SPATS2L: variants seen among roughly 807,000 people sequenced by gnomAD.
SPATS2L encodes the protein spermatogenesis associated serine rich 2 like.
Under a neutral mutation model 59.6 loss-of-function variants are expected in SPATS2L, and 30 were observed. The observed-to-expected ratio is 0.50, with a 90% confidence interval of 0.38 to 0.68. The LOEUF (loss-of-function observed/expected upper bound fraction) is 0.68. SPATS2L is among the 30% of genes least tolerant of loss of function. The pLI is 0.00. For missense variants in SPATS2L, 615 were observed against 700.0 expected, an observed-to-expected ratio of 0.88 and a Z score of 1.37; for synonymous variants, 252 against 263.5, an observed-to-expected ratio of 0.96 and a Z score of 0.42.
At chr2:200,408,988 C>A (rs1349740805) in intron 3 of SPATS2L, among the ~76,000 whole-genome samples, 1 of 152,246 alleles carries the variant, frequency 6.6e-6, no homozygotes, top group Non-Finnish European at 1.5e-5. Flanking sequence ...CGCTAACTAG[C>A]CATCTTGACT....
At chr2:200,474,787 T>C (rs1239692724) in intron 12 of SPATS2L, among the ~76,000 whole-genome samples, 1 of 152,158 alleles carries the variant, frequency 6.6e-6, no homozygotes, top group East Asian at 1.9e-4. Flanking sequence ...TCCACTCAAA[T>C]ATCTAAGTCA....
rs1371855638 is a variant in SPATS2L, at chr2:200,479,193, G to C, written c.*1162G>C. 1.1e-5 allele frequency: 2 copies of C among 180,886 alleles called. No homozygotes were observed. The highest frequency in any genetic ancestry group is 1.2e-4 in the Admixed American group (2 of 16,062). 11.2% of individuals were successfully genotyped at this position (180,886 alleles called of 1,614,324 possible). A position where few individuals can be genotyped will look rare whatever the true frequency, so the allele number is the denominator to read the frequency against. ...GCCGGAATTACAGGCATGAGCCACCGTACCCGGCCAGCTCCCATCTCTTAA... is the reference window on the plus strand; with the variant it reads ...GCCGGAATTACAGGCATGAGCCACCCTACCCGGCCAGCTCCCATCTCTTAA... On this transcript the variant is annotated 3_prime_UTR_variant, in exon 13 of 13. Coordinates refer to ENST00000409140, the MANE Select transcript of SPATS2L (RefSeq NM_001100423.2).
At chr2:200,448,395 T>C (rs1156377046) in intron 8 of SPATS2L, among the ~76,000 whole-genome samples, 1 of 152,096 alleles carries the variant, frequency 6.6e-6, no homozygotes, top group Non-Finnish European at 1.5e-5. Flanking sequence ...TGAGCTGAGA[T>C]CACACCACCG....
intron 2 of SPATS2L, among the ~76,000 whole-genome samples, chr2:200,353,085 A>G (rs1050301419): frequency 1.3e-5 from 2 of 152,342 alleles, no homozygotes; most frequent in African/African-American, 2.4e-5. Context: ...GCAGAATGAC[A>G]TCTGGCCTCT....
rs2087700450 is a variant in SPATS2L at position 200,478,570 on chromosome 2, T to C, written c.*539T>C. ...CTTTTATTGATACCCACCTAGTTAT[T>C]GAATGTACTGTTTAGTGCTTTCAAA... is the stretch of plus-strand genomic sequence containing the variant. On this transcript the variant is annotated 3_prime_UTR_variant, in exon 13 of 13. Transcript: ENST00000409140. 6.5e-6 allele frequency: 1 copy of C among 152,686 alleles called. No homozygotes were observed. The highest frequency in any genetic ancestry group is 2.4e-5 in the African/African-American group (1 of 41,466). The allele number at this position is 152,686 out of a possible 1,614,324, so 9.5% of individuals were successfully genotyped here.
At chr2:200,377,872 G>A (rs1365653277) in intron 2 of SPATS2L, 2 of 152,226 alleles carry the variant, frequency 1.3e-5, no homozygotes, top group Non-Finnish European at 2.9e-5. Flanking sequence ...CTGTCCTGGT[G>A]TCGCCTGGAA....
chr2:200,455,131 C>T (rs942918612), intron 8 of SPATS2L, among the ~76,000 whole-genome samples: 2 of 152,140 alleles, frequency 1.3e-5, no homozygotes, highest in Non-Finnish European at 2.9e-5. Context: ...ATGCAAGCAC[C>T]ACAATGTACT....
intron 8 of SPATS2L, among the ~76,000 whole-genome samples, chr2:200,457,549 A>G (rs1043559237): frequency 2.0e-5 from 3 of 152,228 alleles, no homozygotes; most frequent in African/African-American, 4.8e-5. Flanking sequence ...TGTAATGTCA[A>G]TAGGTAAGGG....
At chr2:200,379,800 G>A (rs912436491) in intron 2 of SPATS2L, among the ~76,000 whole-genome samples, 3 of 152,092 alleles carry the variant, frequency 2.0e-5, no homozygotes, top group Non-Finnish European at 2.9e-5. Context: ...TTCACATAAC[G>A]TTGGCCACTT....
intron 2 of SPATS2L, among the ~76,000 whole-genome samples, chr2:200,371,094 C>G (rs374903723): frequency 1.3e-5 from 2 of 151,804 alleles, no homozygotes; most frequent in African/African-American, 4.8e-5. Context: ...CAGTGTATAC[C>G]GTGATGTGAT....
chr2:200,379,994 T>A (rs2081747257), intron 2 of SPATS2L, among the ~76,000 whole-genome samples: 1 of 152,144 alleles, frequency 6.6e-6, no homozygotes, highest in Non-Finnish European at 1.5e-5. Context: ...CAGAAGCAGA[T>A]CCTTATAGGA....
chr2:200,448,240 G>C (rs1199173234), intron 8 of SPATS2L, among the ~76,000 whole-genome samples: 1 of 152,138 alleles, frequency 6.6e-6, no homozygotes, highest in Non-Finnish European at 1.5e-5. Context: ...TCAGGAGTTA[G>C]AGACCAGCCT....
At chr2:200,450,630 T>C (rs2085372856) in intron 8 of SPATS2L, among the ~76,000 whole-genome samples, 1 of 152,164 alleles carries the variant, frequency 6.6e-6, no homozygotes, top group Non-Finnish European at 1.5e-5. Flanking sequence ...CAGGGCCCCA[T>C]TTCCAGATAT....
intron 3 of SPATS2L, among the ~76,000 whole-genome samples, chr2:200,400,219 G>A (rs1364569145): frequency 6.6e-6 from 1 of 152,134 alleles, no homozygotes; most frequent in African/African-American, 2.4e-5. Context: ...CAGTGATAGT[G>A]GCTAGACAGA....
At chr2:200,418,792 G>A (rs943929370) in intron 5 of SPATS2L, among the ~76,000 whole-genome samples, 4 of 151,968 alleles carry the variant, frequency 2.6e-5, no homozygotes, top group Non-Finnish European at 4.4e-5. Context: ...TTCCCTAGTA[G>A]TCCTCCCCTT....
At chr2:200,337,123 A>T (rs1405290096) in intron 2 of SPATS2L, among the ~76,000 whole-genome samples, 1 of 152,184 alleles carries the variant, frequency 6.6e-6, no homozygotes, top group Non-Finnish European at 1.5e-5. Context: ...GTTTACAAGG[A>T]TGATTTATTA....
At position 200,419,354 on chromosome 2, in the gene SPATS2L, A is replaced by G. The variant is rs1295124329; in HGVS notation, c.303A>G (p.Pro101=). 6 of 1,611,864 alleles carry G rather than the reference A, an allele frequency of 3.7e-6. No individual in the cohort carries two copies. The highest frequency in any genetic ancestry group is 2.2e-5 in the South Asian group (2 of 90,624). ...PEAGPLQPQP[P]QIQNGPMNGC... is the part of the protein sequence containing the mutation. The stretch of plus-strand genomic sequence containing the variant: ...CAGGGCCCCTGCAGCCGCAGCCACC[A>G]CAGATTCAAAACGGCCCCATGAATG... Residue 101 remains proline, a synonymous_variant, in exon 6 of 13, where the codon CCA becomes CCG. Transcript: ENST00000409140.
rs3835860 is a variant in SPATS2L, at chr2:200,452,892, T to TA, written c.789-6864dup. On this transcript the variant is annotated intron_variant, in intron 8 of 12. Transcript: ENST00000409140. ...ACCAATTTGTCACCAGTGCTGCATT[T>TA]AAAAAAAAAAAAATCTATTATTATT... Among the ~76,000 whole-genome samples the TA allele has an allele frequency of 2.4e-3, 367 of 151,318 alleles. 2 individuals are homozygous for TA. The highest frequency in any genetic ancestry group is 8.2e-3 in the African/African-American group (336 of 41,188).
At chr2:200,426,073 AG>A (rs937624411) in intron 6 of SPATS2L, among the ~76,000 whole-genome samples, 5 of 137,796 alleles carry the variant, frequency 3.6e-5, no homozygotes, top group Non-Finnish European at 7.7e-5. Flanking sequence ...TTATAACCAT[AG>A]GTTTTTACTT....
Sources: allele counts gnomAD v4.1 joint callset (sites outside exome capture counted in the v4.1 genomes callset), GRCh38; gene constraint gnomAD v4.1.1; transcripts MANE v1.5; gene names NCBI Gene and HGNC (gene_info 2026-07-23, HGNC 2026-07-21).